Variants in ZNF462 observed in about 807,000 individuals in gnomAD.
The protein encoded by ZNF462 is zinc finger protein 462.
A neutral mutation model predicts 201.9 loss-of-function variants in ZNF462; 10 were observed. That is an observed-to-expected ratio of 0.05 (90% CI 0.03 to 0.08). The LOEUF is 0.08. Ranked by LOEUF, ZNF462 falls within the 10% of genes least tolerant of loss-of-function variation. The probability of loss-of-function intolerance (pLI) is 1.00; values close to 1 mark genes in which losing one functional copy is unlikely to be tolerated. For missense variants in ZNF462, 2,523 were observed against 3,168.3 expected, an observed-to-expected ratio of 0.80 and a Z score of 4.89; for synonymous variants, 1,227 against 1,193.3, an observed-to-expected ratio of 1.03 and a Z score of -0.58.
Position 106,963,919 on chromosome 9 carries a change from A to G in ZNF462, c.6428-8086A>G, listed in dbSNP as rs574476548. Among the ~76,000 whole-genome samples, 4 of 152,068 alleles carry G rather than the reference A, an allele frequency of 2.6e-5. No individual in the cohort carries two copies. In the East Asian group the frequency reaches 7.8e-4, roughly 30 times the overall value. Reference sequence around the variant, plus strand: ...TGGGTTTGACTGCTCTAGGTGCCTCATGGAAGTGGCATCGTGCAGTATTTG... The same window carrying G: ...TGGGTTTGACTGCTCTAGGTGCCTCGTGGAAGTGGCATCGTGCAGTATTTG... On this transcript the variant is annotated intron_variant, in intron 7 of 12. Coordinates refer to ENST00000277225, the MANE Select transcript of ZNF462 (RefSeq NM_021224.6). This position sits in a 1 kb window ranked among gnomAD's most constrained non-coding sequence, Gnocchi z 4.7.
chr9:107,009,724 G>A lies in ZNF462; in HGVS notation c.7313+56G>A. ...TCCAAAGCAAGAGGTAGGGAGGGAG[G>A]GAGGGGCTCTTGTTTTGGTTCCCCT... is the stretch of plus-strand genomic sequence containing the variant. On this transcript the variant is annotated intron_variant, in intron 12 of 12. Coordinates refer to ENST00000277225, the MANE Select transcript of ZNF462 (RefSeq NM_021224.6). This position sits in a 1 kb window ranked among gnomAD's most constrained non-coding sequence, Gnocchi z 6.1. 1.3e-6 allele frequency: 2 copies of A among 1,577,466 alleles called. No individual in the cohort carries two copies. The highest frequency in any genetic ancestry group is 2.3e-5 in the East Asian group (1 of 43,714).
chr9:106,927,099 A>G lies in ZNF462; in HGVS notation c.3187A>G (p.Ile1063Val), dbSNP rs1445423554. 1 of 1,614,142 alleles carries G rather than the reference A, an allele frequency of 6.2e-7. No individual in the cohort carries two copies. Among genetic ancestry groups the G allele is most frequent in the Non-Finnish European group, 8.5e-7 (1 of 1,180,034 alleles). ...HPEEKASYFR[I>V]QKTMRMVSVD... ...CGAAGAAAAGGCTTCCTACTTTAGG[A>G]TCCAGAAAACTATGCGAATGGTGTC... Residue 1063 changes from isoleucine (I) to valine (V), a missense_variant, in exon 3 of 13, where the codon ATC becomes GTC. Ile to Val is a conservative substitution (Grantham distance 29, BLOSUM62 3). This residue lies in a region of ZNF462 where 280 missense variants were observed against 321.3 expected (regional missense o/e 0.87). Transcript: ENST00000277225.
intron 1 of ZNF462, among the ~76,000 whole-genome samples, chr9:106,882,698 A>G (rs1828151269): frequency 6.6e-6 from 1 of 152,344 alleles, no homozygotes; most frequent in Admixed American, 6.5e-5. Flanking sequence ...AACATTGGAT[A>G]AGAAAAATTC....
Position 106,972,168 on chromosome 9 carries a change from A to T in ZNF462, c.6591A>T (p.Glu2197Asp), listed in dbSNP as rs367799174. 2 of 1,614,228 alleles carry T rather than the reference A, an allele frequency of 1.2e-6. No individual in the cohort carries two copies. Among genetic ancestry groups the T allele is most frequent in the Non-Finnish European group, 1.7e-6 (2 of 1,180,036 alleles). ...CCGTGCTTCACTGCGAATTCTGTGA[A>T]TTCTCCTCCGGCTACATCCAGAGCA... is the stretch of plus-strand genomic sequence containing the variant. The part of the protein sequence containing the change: ...TEAVLHCEFC[E>D]FSSGYIQSIR... The change falls in exon 8 of 13, where the codon GAA (glutamate) becomes GAT (aspartate). Residue 2197 changes from glutamate to aspartate, a missense_variant. By Grantham distance (45) the Glu-to-Asp change is conservative. Coordinates refer to ENST00000277225, the MANE Select transcript of ZNF462 (RefSeq NM_021224.6). This position sits in a 1 kb window ranked among gnomAD's most constrained non-coding sequence, Gnocchi z 4.8.
chr9:106,894,887 T>C (rs1360956694), intron 1 of ZNF462, among the ~76,000 whole-genome samples: 2 of 152,224 alleles, frequency 1.3e-5, no homozygotes, highest in Admixed American at 1.3e-4. Context: ...GATAATATTT[T>C]TGGATATATT....
rs1372565323 is a variant in ZNF462, at chr9:107,011,653, T to G, written c.*623T>G. On this transcript the variant is annotated 3_prime_UTR_variant, in exon 13 of 13. Coordinates refer to ENST00000277225, the MANE Select transcript of ZNF462 (RefSeq NM_021224.6). This position sits in a 1 kb window ranked among gnomAD's most constrained non-coding sequence, Gnocchi z 5.6. ...TAGAGAGAACTGCTGGGCAAGATGG[T>G]GAATGGAGAAAAAAAAAGAGTTTTA... 3 of 151,872 alleles carry G rather than the reference T, an allele frequency of 2.0e-5. No individual in the cohort carries two copies. The highest frequency in any genetic ancestry group is 4.4e-5 in the Non-Finnish European group (3 of 67,992). The allele number at this position is 151,872 out of a possible 1,614,324, so 9.4% of individuals were successfully genotyped here. A position where few individuals can be genotyped will look rare whatever the true frequency, so the allele number is the denominator to read the frequency against.
Position 106,926,615 on chromosome 9 carries a change from C to G in ZNF462, c.2703C>G (p.Leu901=). The G allele has an allele frequency of 6.2e-7, 1 of 1,614,106 alleles. No homozygotes were observed. Among genetic ancestry groups the G allele is most frequent in the Non-Finnish European group, 8.5e-7 (1 of 1,180,028 alleles). ...TCGATTACACCAACTTCGAAGATCTCCAGCAGCATTATGGCGAGCACCACC... is the reference window on the plus strand; with the variant it reads ...TCGATTACACCAACTTCGAAGATCTGCAGCAGCATTATGGCGAGCACCACC... ...CYIDYTNFED[L]QQHYGEHHPE... The change falls in exon 3 of 13, where the codon CTC becomes CTG. Residue 901 remains leucine, a synonymous_variant. Coordinates refer to ENST00000277225, the MANE Select transcript of ZNF462 (RefSeq NM_021224.6). This position sits in a 1 kb window ranked among gnomAD's most constrained non-coding sequence, Gnocchi z 7.9.
intron 7 of ZNF462, among the ~76,000 whole-genome samples, chr9:106,959,758 T>C (rs1831743788): frequency 1.3e-5 from 2 of 152,006 alleles, no homozygotes; most frequent in Admixed American, 1.3e-4. Context: ...ACAAAAAACA[T>C]CTGACACAGA....
rs779250735 is a variant in ZNF462, at chr9:106,939,045, C to T, written c.6365C>T (p.Ser2122Phe). Residue 2122 changes from serine to phenylalanine, a missense_variant, in exon 7 of 13, where the codon TCC becomes TTC. Ser to Phe is a radical substitution (Grantham distance 155). Coordinates refer to ENST00000277225, the MANE Select transcript of ZNF462 (RefSeq NM_021224.6). ...AGGCCACGGATCGTCAGTCTCCTCT[C>T]CTCACACTCCCACCACTCCTCCCAA... is the stretch of plus-strand genomic sequence containing the variant. ...LPRPRIVSLL[S>F]SHSHHSSQKA... is the part of the protein sequence containing the mutation. The T allele has an allele frequency of 6.2e-7, 1 of 1,613,940 alleles. No homozygotes were observed. Among genetic ancestry groups the T allele is most frequent in the South Asian group, 1.1e-5 (1 of 91,056 alleles).
At chr9:107,000,994 T>C (rs1489862450) in intron 10 of ZNF462, among the ~76,000 whole-genome samples, 1 of 152,096 alleles carries the variant, frequency 6.6e-6, no homozygotes, top group Non-Finnish European at 1.5e-5. Context: ...AAAGCAGATG[T>C]TTGAGGATTC....
intron 7 of ZNF462, among the ~76,000 whole-genome samples, chr9:106,941,044 A>G (rs183852026): frequency 1.3e-5 from 2 of 152,274 alleles, no homozygotes; most frequent in East Asian, 3.9e-4. Context: ...TTTTGCTGGG[A>G]CATTTTTCTC....
intron 9 of ZNF462, among the ~76,000 whole-genome samples, chr9:106,980,729 A>G (rs980810650): frequency 2.0e-5 from 3 of 152,214 alleles, no homozygotes; most frequent in African/African-American, 7.2e-5. Context: ...GACACAATCC[A>G]TCTTGTAGTT....
chr9:106,878,398 T>G (rs937917075), intron 1 of ZNF462, among the ~76,000 whole-genome samples: 3 of 152,206 alleles, frequency 2.0e-5, no homozygotes, highest in Non-Finnish European at 4.4e-5. Flanking sequence ...TTTTGCATGC[T>G]TAGTTAGCAG....
chr9:106,972,262 A>G lies in ZNF462; in HGVS notation c.6685A>G (p.Thr2229Ala). 6.2e-7 allele frequency: 1 copy of G among 1,614,048 alleles called. No individual in the cohort carries two copies. Among genetic ancestry groups the G allele is most frequent in the Non-Finnish European group, 8.5e-7 (1 of 1,179,966 alleles). Residue 2229 changes from threonine to alanine, a missense_variant, in exon 8 of 13, where the codon ACA becomes GCA. Around this residue, in one of 15 missense-constraint regions of ZNF462, gnomAD observed 228 missense variants for 361.2 expected, o/e 0.63. Coordinates refer to ENST00000277225, the MANE Select transcript of ZNF462 (RefSeq NM_021224.6). This position sits in a 1 kb window ranked among gnomAD's most constrained non-coding sequence, Gnocchi z 4.8. ...LFKCKDCSFY[T>A]GFKSAFTMHV... ...CAAGTGCAAAGACTGCTCCTTTTAC[A>G]CAGGCTTTAAGTAAGTGACGTAATG...
chr9:106,949,086 T>G (rs1341206300), intron 7 of ZNF462, among the ~76,000 whole-genome samples: 2 of 152,214 alleles, frequency 1.3e-5, no homozygotes, highest in Non-Finnish European at 2.9e-5. Flanking sequence ...CTGCCTAGAC[T>G]GTTCAGAGTA....
upstream of ZNF462, chr9:106,863,022 A>C: frequency 2.3e-5 from 8 of 349,394 alleles, no homozygotes; most frequent in Non-Finnish European, 1.5e-5. Context: ...AGAGGGAGGG[A>C]GAGAGAGAGA....
intron 7 of ZNF462, among the ~76,000 whole-genome samples, chr9:106,946,126 C>T (rs1831095822): frequency 6.6e-6 from 1 of 152,200 alleles, no homozygotes; most frequent in Non-Finnish European, 1.5e-5. Flanking sequence ...AGAAATGTAA[C>T]CATATACTAC....
chr9:106,898,426 A>AG (rs764883704), intron 1 of ZNF462, among the ~76,000 whole-genome samples: 16 of 152,080 alleles, frequency 1.1e-4, no homozygotes, highest in African/African-American at 2.2e-4. Flanking sequence ...CTGGAGGTGG[A>AG]GGGGGGGTCA....
chr9:106,991,160 C>T (rs1002812230), intron 10 of ZNF462, among the ~76,000 whole-genome samples: 2 of 151,582 alleles, frequency 1.3e-5, no homozygotes, highest in African/African-American at 4.8e-5. Flanking sequence ...GGAGAAAATC[C>T]GCAGAATCTA....
Sources: gnomAD v4.1 joint callset for allele counts (sites outside exome capture counted in the v4.1 genomes callset) on GRCh38, gnomAD v4.1.1 for gene constraint, gnomAD v4.1.1 regional missense constraint, Gnocchi (gnomAD v3.1) non-coding constraint, MANE v1.5 for transcripts, NCBI Gene and HGNC (gene_info 2026-07-23, HGNC 2026-07-21) for gene names.